The following PDE4D variants were observed in gnomAD, a reference collection of about 807,000 sequenced individuals.
The protein encoded by PDE4D is phosphodiesterase 4D.
Under a neutral mutation model 87.4 loss-of-function variants are expected in PDE4D, and 24 were observed. That is an observed-to-expected ratio of 0.27 (90% CI 0.20 to 0.39). The LOEUF is 0.39. Ranked by LOEUF, PDE4D falls within the 10% of genes least tolerant of loss-of-function variation. The probability of loss-of-function intolerance (pLI) is 1.00; values close to 1 mark genes in which losing one functional copy is unlikely to be tolerated. For missense variants in PDE4D, 714 were observed against 1,041.0 expected (o/e 0.69, Z 4.32); for synonymous variants, 384 against 383.2 (o/e 1.00, Z -0.02).
chr5:59,821,124 T>C (rs929433065), intron 1 of PDE4D, among the ~76,000 whole-genome samples: 2 of 151,844 alleles, frequency 1.3e-5, no homozygotes, highest in African/African-American at 4.8e-5. Context: ...TCCCAGCTAC[T>C]TGGGAGGCTG....
chr5:60,414,330 T>G (rs908279058), intron 1 of PDE4D, among the ~76,000 whole-genome samples: 1 of 152,160 alleles, frequency 6.6e-6, no homozygotes, highest in Non-Finnish European at 1.5e-5. Flanking sequence ...TTGATATTAT[T>G]GAGTATTTTT....
At chr5:59,918,118 T>C (rs897316443) in intron 3 of PDE4D, among the ~76,000 whole-genome samples, 6 of 152,014 alleles carry the variant, frequency 3.9e-5, no homozygotes, top group African/African-American at 1.2e-4. Context: ...TAAAAATATA[T>C]AACCATCATT....
At chr5:59,492,549 G>C (rs1196576069) in intron 1 of PDE4D, among the ~76,000 whole-genome samples, 1 of 152,146 alleles carries the variant, frequency 6.6e-6, no homozygotes, top group African/African-American at 2.4e-5. Context: ...GGCCCAGTGA[G>C]ATTAAACCCT....
intron 2 of PDE4D, among the ~76,000 whole-genome samples, chr5:60,120,075 A>G (rs887747816): frequency 2.6e-5 from 4 of 152,240 alleles, no homozygotes; most frequent in African/African-American, 9.6e-5. Flanking sequence ...ACAAGCACAG[A>G]AAAACATCTT....
intron 2 of PDE4D, among the ~76,000 whole-genome samples, chr5:60,132,478 A>G (rs1779669920): frequency 6.6e-6 from 1 of 152,164 alleles, no homozygotes; most frequent in Admixed American, 6.6e-5. Flanking sequence ...AAATTTAACT[A>G]TAATTATATT....
chr5:59,378,970 G>A (rs1785240597), intron 1 of PDE4D, among the ~76,000 whole-genome samples: 1 of 95,730 alleles, frequency 1.0e-5, no homozygotes, highest in Admixed American at 9.4e-5. Context: ...GTGTGTCCAC[G>A]TGTGTGTGTT....
intron 2 of PDE4D, among the ~76,000 whole-genome samples, chr5:59,198,738 C>T (rs1346067268): frequency 6.6e-6 from 1 of 152,142 alleles, no homozygotes; most frequent in East Asian, 1.9e-4. Flanking sequence ...TTCCCCCTCC[C>T]ATCCTTCTTC....
intron 1 of PDE4D, among the ~76,000 whole-genome samples, chr5:59,645,816 G>C (rs550277699): frequency 6.6e-6 from 1 of 152,146 alleles, no homozygotes; most frequent in Non-Finnish European, 1.5e-5. Context: ...CCCAAGTTTG[G>C]TCACAGTCCT....
intron 1 of PDE4D, among the ~76,000 whole-genome samples, chr5:59,839,368 C>G (rs928484360): frequency 6.6e-6 from 1 of 151,992 alleles, no homozygotes; most frequent in African/African-American, 2.4e-5. Flanking sequence ...TCTCCTTCAA[C>G]TCCTGCCTGG....
At chr5:59,648,534 G>T (rs1182232308) in intron 1 of PDE4D, among the ~76,000 whole-genome samples, 1 of 152,112 alleles carries the variant, frequency 6.6e-6, no homozygotes, top group African/African-American at 2.4e-5. Flanking sequence ...TAAAGGTTAT[G>T]AAAACACTCT....
intron 1 of PDE4D, among the ~76,000 whole-genome samples, chr5:60,341,271 C>A (rs964506091): frequency 6.6e-6 from 1 of 152,174 alleles, no homozygotes; most frequent in Non-Finnish European, 1.5e-5. Flanking sequence ...GTGGCCTACC[C>A]AAGGCATGGC....
chr5:59,680,036 A>T (rs923788767), intron 1 of PDE4D, among the ~76,000 whole-genome samples: 4 of 152,144 alleles, frequency 2.6e-5, no homozygotes, highest in Non-Finnish European at 5.9e-5. Flanking sequence ...TGTGTTTCTA[A>T]CTTAGCTTTA....
At chr5:59,927,735 A>G (rs1755446934) in intron 3 of PDE4D, among the ~76,000 whole-genome samples, 2 of 152,204 alleles carry the variant, frequency 1.3e-5, no homozygotes, top group African/African-American at 4.8e-5. Context: ...GTTCTTTTTG[A>G]TGATATACAT....
chr5:59,205,991 G>A (rs1341965368), intron 2 of PDE4D, among the ~76,000 whole-genome samples: 1 of 152,090 alleles, frequency 6.6e-6, no homozygotes, highest in Non-Finnish European at 1.5e-5. Context: ...CTGCTCTGAA[G>A]TTCCCTGCGT....
chr5:59,646,307 G>T (rs1022653912), intron 1 of PDE4D, among the ~76,000 whole-genome samples: 1 of 152,150 alleles, frequency 6.6e-6, no homozygotes, highest in African/African-American at 2.4e-5. Flanking sequence ...GGGATATGAA[G>T]AGGTAACTTC....
At chr5:59,954,113 C>CGG (rs34361221) in intron 3 of PDE4D, among the ~76,000 whole-genome samples, 22 of 151,968 alleles carry the variant, frequency 1.4e-4, no homozygotes, top group Non-Finnish European at 2.8e-4. Context: ...TTAGGAGAGA[C>CGG]GGGTTTCACC....
chr5:59,669,574 A>C (rs1052771365), intron 1 of PDE4D, among the ~76,000 whole-genome samples: 2 of 152,318 alleles, frequency 1.3e-5, no homozygotes, highest in African/African-American at 4.8e-5. Context: ...ATTAAAATTT[A>C]ACTAATTCTG....
chr5:60,490,951 A>T (rs1366867387), upstream of PDE4D: 37 of 152,232 alleles, frequency 2.4e-4, no homozygotes, highest in Admixed American at 2.4e-3. Context: ...TAAACTATAG[A>T]AAACGTTCAG....
intron 2 of PDE4D, among the ~76,000 whole-genome samples, chr5:60,019,712 G>C (rs1321396369): frequency 6.6e-6 from 1 of 152,126 alleles, no homozygotes; most frequent in Admixed American, 6.5e-5. Context: ...CTTGAGATTA[G>C]GCTTTGGTTT....
Sources: gnomAD v4.1 joint callset for allele counts (sites outside exome capture counted in the v4.1 genomes callset) on GRCh38, gnomAD v4.1.1 for gene constraint, MANE v1.5 for transcripts, NCBI Gene and HGNC (gene_info 2026-07-23, HGNC 2026-07-21) for gene names.